The following CNIH3 variants were observed in gnomAD, a reference collection of about 807,000 sequenced individuals.
CNIH3 encodes cornichon family AMPA receptor auxiliary protein 3, also known as protein cornichon homolog 3.
Under a neutral mutation model 24.1 loss-of-function variants are expected in CNIH3, and 14 were observed. The observed-to-expected ratio is 0.58, with a 90% CI of 0.38 to 0.91. The LOEUF (loss-of-function observed/expected upper bound fraction) is 0.91. Among genes scored for constraint, CNIH3 ranks in the 40% least tolerant of loss-of-function variants. The pLI is 0.00. For missense variants in CNIH3, 178 were observed against 196.8 expected (o/e 0.90, Z 0.57); for synonymous variants, 68 against 73.8 (o/e 0.92, Z 0.40).
chr1:224,713,185 G>A (rs1306675851), intron 3 of CNIH3, among the ~76,000 whole-genome samples: 1 of 152,242 alleles, frequency 6.6e-6, no homozygotes, highest in Non-Finnish European at 1.5e-5. Context: ...GAGACCCGTT[G>A]CAGTCCAATA....
Position 224,439,827 on chromosome 1 carries a change from C to T in CNIH3, n.203+4965C>T, listed in dbSNP as rs570419255. On this transcript the variant is annotated intron_variant and non_coding_transcript_variant, in intron 1 of 5. Transcript: ENST00000471578. The stretch of plus-strand genomic sequence containing the variant: ...TTTTTGAGATGGGGTCTCGCTCTGT[C>T]GCCCAGGCTGGAGTGCAGTGGCGCA... Among the ~76,000 whole-genome samples, 13 of 150,850 alleles carry T rather than the reference C, an allele frequency of 8.6e-5. No individual in the cohort carries two copies. In the South Asian group the frequency reaches 1.1e-3, roughly 12 times the overall value.
At chr1:224,510,572 G>A (rs1678102400) in intron 1 of CNIH3, among the ~76,000 whole-genome samples, 1 of 147,466 alleles carries the variant, frequency 6.8e-6, no homozygotes, top group Admixed American at 6.8e-5. Context: ...ACTCCAGCCT[G>A]GGCAACAGAA....
upstream of CNIH3, chr1:224,615,247 G>A (rs966313780): frequency 1.3e-5 from 2 of 152,114 alleles, no homozygotes; most frequent in African/African-American, 4.8e-5. Context: ...TCCAATCCAT[G>A]AAGTGCGTCT....
chr1:224,466,968 A>G (rs1041093489), intron 1 of CNIH3, among the ~76,000 whole-genome samples: 1 of 152,184 alleles, frequency 6.6e-6, no homozygotes, highest in Non-Finnish European at 1.5e-5. Context: ...TTTATATTCT[A>G]GATACTAAAT....
chr1:224,682,974 A>G (rs1686475427), intron 2 of CNIH3, among the ~76,000 whole-genome samples: 1 of 152,244 alleles, frequency 6.6e-6, no homozygotes, highest in Admixed American at 6.5e-5. Flanking sequence ...ATTTTTGTGG[A>G]ACCCTTTCCA....
chr1:224,740,279 C>T lies in CNIH3; in HGVS notation c.*923C>T, dbSNP rs1431591193. The T allele has an allele frequency of 6.6e-6, 1 of 152,184 alleles. No homozygotes were observed. Among genetic ancestry groups the T allele is most frequent in the Non-Finnish European group, 1.5e-5 (1 of 68,038 alleles). The allele number at this position is 152,184 out of a possible 1,614,324, so 9.4% of individuals were successfully genotyped here. On this transcript the variant is annotated 3_prime_UTR_variant, in exon 6 of 6. Coordinates refer to ENST00000272133, the MANE Select transcript of CNIH3 (RefSeq NM_152495.2). Reference sequence around the variant, plus strand: ...GTTTAGGTCGACGTGAGGACATCATCTTATTTAGAATTTTCCGTTTGGCAT... The same window carrying T: ...GTTTAGGTCGACGTGAGGACATCATTTTATTTAGAATTTTCCGTTTGGCAT...
chr1:224,677,917 T>C (rs1447924835), intron 1 of CNIH3, among the ~76,000 whole-genome samples: 2 of 152,198 alleles, frequency 1.3e-5, no homozygotes, highest in Non-Finnish European at 2.9e-5. Flanking sequence ...TTGCTTTCAG[T>C]GACTGTATCA....
At position 224,463,773 on chromosome 1, in the gene CNIH3, A is replaced by ATTTTTTT. The variant is rs56137320; in HGVS notation, n.203+28941_203+28947dup. On this transcript the variant is annotated intron_variant and non_coding_transcript_variant, in intron 1 of 5. Coordinates refer to the CNIH3 transcript ENST00000471578. ...TTCTCCCAGCTTATGAATTGTCCTC[A>ATTTTTTT]TTTTTTTTTTTTTTTTTTTTTTTTT... Among the ~76,000 whole-genome samples the ATTTTTTT allele has an allele frequency of 4.2e-3, 87 of 20,730 alleles. 17 individuals carry two copies. The highest frequency in any genetic ancestry group is 5.5e-3 in the Non-Finnish European group (73 of 13,356). The allele number at this position is 20,730 out of a possible 152,430, so 13.6% of individuals were successfully genotyped here. A position where few individuals can be genotyped will look rare whatever the true frequency, so the allele number is the denominator to read the frequency against.
chr1:224,567,615 G>A (rs1346156612), intron 4 of CNIH3, among the ~76,000 whole-genome samples: 3 of 152,196 alleles, frequency 2.0e-5, no homozygotes, highest in Non-Finnish European at 2.9e-5. Context: ...TATAACTTGT[G>A]ATGATGCAGA....
intron 1 of CNIH3, among the ~76,000 whole-genome samples, chr1:224,475,697 A>G (rs995721370): frequency 6.6e-6 from 1 of 152,330 alleles, no homozygotes; most frequent in East Asian, 1.9e-4. Flanking sequence ...TGATTCCAAA[A>G]AATAGAGGAA....
At position 224,585,221 on chromosome 1, in the gene CNIH3, C is replaced by T. The variant is rs544327517; in HGVS notation, n.620+1954C>T. ...GCCTTCCTTGCCCGTTTCCCTAGAT[C>T]GAATCCTACTCGCTTATTTTTCCAG... On this transcript the variant is annotated intron_variant and non_coding_transcript_variant, in intron 5 of 5. Coordinates refer to the CNIH3 transcript ENST00000471578. Among the ~76,000 whole-genome samples the T allele has an allele frequency of 2.6e-5, 4 of 152,266 alleles. No individual in the cohort carries two copies. In the South Asian group the frequency reaches 6.2e-4, roughly 24 times the overall value.
chr1:224,622,746 G>GCT (rs1683340186), intron 1 of CNIH3, among the ~76,000 whole-genome samples: 1 of 152,228 alleles, frequency 6.6e-6, no homozygotes. Context: ...GGCAATTGGA[G>GCT]CTCTTGCCTA....
intron 1 of CNIH3, among the ~76,000 whole-genome samples, chr1:224,452,445 T>C (rs66467176): frequency 0.28 from 43,002 of 151,690 alleles, 7,519 homozygotes; most frequent in African/African-American, 0.49. Context: ...CCACTGTGCC[T>C]AGCAAAGTGG....
intron 1 of CNIH3, among the ~76,000 whole-genome samples, chr1:224,499,191 A>G (rs1677556605): frequency 1.3e-5 from 2 of 152,258 alleles, no homozygotes; most frequent in South Asian, 4.1e-4. Flanking sequence ...TTGTTTTAAA[A>G]TTAAAAATTT....
intron 1 of CNIH3, among the ~76,000 whole-genome samples, chr1:224,676,006 A>G (rs1456189683): frequency 3.3e-5 from 5 of 152,250 alleles, no homozygotes; most frequent in African/African-American, 1.2e-4. Context: ...CTCCAAGGAA[A>G]TTGAAAACTT....
At chr1:224,630,086 A>G (rs1221978059) in intron 1 of CNIH3, among the ~76,000 whole-genome samples, 1 of 152,146 alleles carries the variant, frequency 6.6e-6, no homozygotes, top group Non-Finnish European at 1.5e-5. Context: ...GGAAGAGAGT[A>G]GCGGTGTTTC....
intron 3 of CNIH3, among the ~76,000 whole-genome samples, chr1:224,560,946 T>C (rs1285900038): frequency 7.0e-6 from 1 of 142,396 alleles, no homozygotes; most frequent in East Asian, 2.1e-4. Context: ...GTTGAATGTA[T>C]CTCGTGATTT....
intron 2 of CNIH3, among the ~76,000 whole-genome samples, chr1:224,531,726 T>C (rs1679078655): frequency 6.6e-6 from 1 of 152,144 alleles, no homozygotes; most frequent in Non-Finnish European, 1.5e-5. Flanking sequence ...CTGCGGAGAA[T>C]ATGTGTGTGA....
In CNIH3 at chr1:224,608,494, G is replaced by A. The variant is rs372056241; in HGVS notation, n.402+42230G>A. Among the ~76,000 whole-genome samples the A allele has an allele frequency of 1.7e-3, 263 of 152,264 alleles. 1 individual carries two copies. Among genetic ancestry groups the A allele is most frequent in the African/African-American group, 5.7e-3 (237 of 41,558 alleles). ...AATCGATTGAGCAAGCAGGGGGTGC[G>A]TGACTGGGGGATGCATGCACTGGTA... On this transcript the variant is annotated intron_variant and non_coding_transcript_variant, in intron 3 of 7. Coordinates refer to the CNIH3 transcript ENST00000478120.
Sources: gnomAD v4.1 joint callset for allele counts (sites outside exome capture counted in the v4.1 genomes callset) on GRCh38, gnomAD v4.1.1 for gene constraint, MANE v1.5 for transcripts, NCBI Gene and HGNC (gene_info 2026-07-23, HGNC 2026-07-21) for gene names.